The following ARHGEF9 variants were observed in gnomAD, a reference collection of about 807,000 sequenced individuals.
ARHGEF9 encodes rho guanine nucleotide exchange factor 9.
ARHGEF9 carries 2 observed loss-of-function variants against 41.3 expected under a neutral mutation model. The ratio of observed to expected loss-of-function variants is 0.05; its 90% confidence interval spans 0.02 to 0.15. ARHGEF9 has a LOEUF of 0.15. Ranked by LOEUF, ARHGEF9 falls within the 10% of genes least tolerant of loss-of-function variation. ARHGEF9 has a pLI of 1.00. For synonymous variants in ARHGEF9, 160 were observed against 154.4 expected, an observed-to-expected ratio of 1.04 and a Z score of -0.27; for missense variants, 225 against 424.7, an observed-to-expected ratio of 0.53 and a Z score of 4.13.
intron 8 of ARHGEF9, chrX:63,644,309 C>A (rs1236973227): frequency 1.7e-5 from 4 of 233,632 alleles, no homozygotes; most frequent in Non-Finnish European, 3.0e-5. Flanking sequence ...TGAACATGGG[C>A]TAAGAGTCTG....
In ARHGEF9 at chrX:63,655,835, T is replaced by C. The variant is rs191637481; in HGVS notation, c.1078-98A>G. ...GCAGAATGCTAACACTGTCACCGTT[T>C]TGAAGTACCAATGGGGGTTGGTTTG... On this transcript the variant is annotated intron_variant, in intron 7 of 9. Transcript: ENST00000671741. 473 of 1,076,849 alleles carry C rather than the reference T, an allele frequency of 4.4e-4. 1 individual carries two copies. The African/African-American group carries it at 7.9e-3, about 18-fold the overall frequency. 88.7% of individuals were successfully genotyped at this position (1,076,849 alleles called of 1,213,427 possible).
At chrX:63,779,517 T>C (rs1348188897) in intron 1 of ARHGEF9, among the ~76,000 whole-genome samples, 2 of 111,321 alleles carry the variant, frequency 1.8e-5, no homozygotes, top group Non-Finnish European at 3.8e-5. Flanking sequence ...CATGATTTGA[T>C]TACCTTCCCC....
intron 1 of ARHGEF9, among the ~76,000 whole-genome samples, chrX:63,759,249 C>A (rs1341132253): frequency 1.8e-5 from 2 of 111,163 alleles, no homozygotes; most frequent in African/African-American, 6.5e-5. Flanking sequence ...GTTATGTGAC[C>A]AATCAACTTT....
chrX:63,767,758 C>A (rs1441252334), intron 1 of ARHGEF9, among the ~76,000 whole-genome samples: 1 of 111,865 alleles, frequency 8.9e-6, no homozygotes, highest in East Asian at 2.8e-4. Context: ...TTCCTGGTAC[C>A]CCTCACCTCT....
At chrX:63,705,329 C>T (rs1218555631) in intron 3 of ARHGEF9, among the ~76,000 whole-genome samples, 1 of 103,271 alleles carries the variant, frequency 9.7e-6, no homozygotes, top group Admixed American at 1.1e-4. Context: ...CAGAGTTTTC[C>T]GAGTCAAGAA....
At chrX:63,756,468 A>G in intron 1 of ARHGEF9, among the ~76,000 whole-genome samples, 1 of 112,755 alleles carries the variant, frequency 8.9e-6, no homozygotes, top group East Asian at 2.8e-4. Flanking sequence ...TGGTATATAC[A>G]TACAATGAAG....
rs2147107899 is a variant in ARHGEF9, at chrX:63,636,504, C to T, written c.*1524G>A. 7.7e-6 allele frequency: 1 copy of T among 130,462 alleles called. No homozygotes were observed. Among genetic ancestry groups the T allele is most frequent in the South Asian group, 3.6e-4 (1 of 2,765 alleles). The allele number at this position is 130,462 out of a possible 1,213,427, so 10.8% of individuals were successfully genotyped here. ...ACACGTTATTCAGAGGGAAAATTGC[C>T]CCTGGGCCCCTAACTCACTTGCCCC... On this transcript the variant is annotated 3_prime_UTR_variant, in exon 10 of 10. Coordinates refer to ENST00000671741, the MANE Select transcript of ARHGEF9 (RefSeq NM_001353921.2).
At chrX:63,716,455 A>G (rs2053309952) in intron 2 of ARHGEF9, among the ~76,000 whole-genome samples, 1 of 111,631 alleles carries the variant, frequency 9.0e-6, no homozygotes, top group Non-Finnish European at 1.9e-5. Context: ...TCCCTTATGC[A>G]TAAGTTTTCA....
chrX:63,755,246 T>A (rs2147791923), intron 1 of ARHGEF9: 1 of 935,284 alleles, frequency 1.1e-6, no homozygotes, highest in Admixed American at 5.8e-5. Context: ...GCACGTTCGC[T>A]GCCCAGGGGC....
chrX:63,637,974 T>C lies in ARHGEF9; in HGVS notation c.*54A>G. Reference sequence around the variant, plus strand: ...GTGCTTCTCCGAAAAAAGGTCCATCTATAAATATAATTTTATTTACTTTAT... The same window carrying C: ...GTGCTTCTCCGAAAAAAGGTCCATCCATAAATATAATTTTATTTACTTTAT... On this transcript the variant is annotated 3_prime_UTR_variant, in exon 10 of 10. Transcript: ENST00000671741. 3 of 1,100,821 alleles carry C rather than the reference T, an allele frequency of 2.7e-6. No homozygotes were observed. The highest frequency in any genetic ancestry group is 3.7e-5 in the African/African-American group (2 of 54,084). The allele number at this position is 1,100,821 out of a possible 1,213,427, so 90.7% of individuals were successfully genotyped here.
At chrX:63,765,085 T>C (rs1416221764) in intron 1 of ARHGEF9, among the ~76,000 whole-genome samples, 7 of 111,483 alleles carry the variant, frequency 6.3e-5, no homozygotes, top group African/African-American at 2.3e-4. Flanking sequence ...CCAAATGAGA[T>C]TGTATCACAG....
intron 1 of ARHGEF9, among the ~76,000 whole-genome samples, chrX:63,733,100 G>A (rs1276672889): frequency 7.1e-5 from 8 of 112,181 alleles, no homozygotes; most frequent in Admixed American, 1.9e-4. Flanking sequence ...ACTTCTGAAT[G>A]ATAGGTCTAA....
At chrX:63,684,522 T>C (rs1458077872) in intron 4 of ARHGEF9, among the ~76,000 whole-genome samples, 1 of 110,988 alleles carries the variant, frequency 9.0e-6, no homozygotes, top group Non-Finnish European at 1.9e-5. Flanking sequence ...AATCCCTCTT[T>C]TGAGTATATG....
At position 63,693,140 on chromosome X, in the gene ARHGEF9, T is replaced by C. The variant is rs182824393; in HGVS notation, c.582+3985A>G. Among the ~76,000 whole-genome samples the C allele has an allele frequency of 1.6e-3, 182 of 111,802 alleles. 1 individual carries two copies. Among genetic ancestry groups the C allele is most frequent in the African/African-American group, 5.6e-3 (172 of 30,760 alleles). On this transcript the variant is annotated intron_variant, in intron 4 of 9. Transcript: ENST00000671741. The stretch of plus-strand genomic sequence containing the variant: ...TATATAGAAGAAATAAGTTCTAGTG[T>C]TTGATATCACAGCAGTTAACAATAA...
chrX:63,722,410 G>GT (rs782226432), intron 2 of ARHGEF9, among the ~76,000 whole-genome samples: 4,312 of 89,302 alleles, frequency 0.048, 94 homozygotes, highest in African/African-American at 0.063. Context: ...GTTGTTTTTT[G>GT]TTTTTTTTTT....
chrX:63,717,098 G>A (rs1479406319), intron 2 of ARHGEF9, among the ~76,000 whole-genome samples: 3 of 112,102 alleles, frequency 2.7e-5, no homozygotes, highest in Non-Finnish European at 5.6e-5. Flanking sequence ...CAAAGAGTTG[G>A]ACCAATGGGC....
intron 8 of ARHGEF9, among the ~76,000 whole-genome samples, chrX:63,654,012 C>T (rs2048712201): frequency 1.8e-5 from 2 of 108,112 alleles, no homozygotes; most frequent in South Asian, 7.8e-4. Context: ...TCTAATTAGA[C>T]ACATAAAAAA....
At chrX:63,693,041 A>C (rs1437662385) in intron 4 of ARHGEF9, among the ~76,000 whole-genome samples, 2 of 111,566 alleles carry the variant, frequency 1.8e-5, no homozygotes, top group African/African-American at 6.5e-5. Context: ...GTATAGTAGT[A>C]GTTACCAGAA....
At chrX:63,713,701 T>TACACACACACACACACACACACACAC (rs59012226) in intron 2 of ARHGEF9, among the ~76,000 whole-genome samples, 1 of 94,291 alleles carries the variant, frequency 1.1e-5, no homozygotes, top group African/African-American at 4.0e-5. Context: ...CCACTTCACA[T>TACACACACACACACACACACACACAC]ACACACACAC....
Sources: gnomAD v4.1 joint callset for allele counts (sites outside exome capture counted in the v4.1 genomes callset) on GRCh38, gnomAD v4.1.1 for gene constraint, MANE v1.5 for transcripts, NCBI Gene and HGNC (gene_info 2026-07-23, HGNC 2026-07-21) for gene names.